Variants in KDM1B observed in about 807,000 individuals in gnomAD.
The protein encoded by KDM1B is lysine-specific histone demethylase 2.
A neutral mutation model predicts 107.4 loss-of-function variants in KDM1B; 63 were observed. The ratio of observed to expected loss-of-function variants is 0.59; its 90% CI spans 0.48 to 0.72. The LOEUF is 0.72. KDM1B is among the 30% of genes least tolerant of loss of function. The pLI, the probability that KDM1B is intolerant of heterozygous loss-of-function variation, is 0.00. For missense variants in KDM1B, 749 were observed against 1,020.8 expected (o/e 0.73, Z 3.63); for synonymous variants, 363 against 363.9 (o/e 1.00, Z 0.03).
intron 6 of KDM1B, among the ~76,000 whole-genome samples, chr6:18,168,145 C>T (rs1785440076): frequency 6.6e-6 from 1 of 152,152 alleles, no homozygotes; most frequent in African/African-American, 2.4e-5. Context: ...ATTCGTATAA[C>T]ATAAAATTAA....
rs1785747908 is a variant in KDM1B at position 18,172,903 on chromosome 6, A to G, written c.534+1424A>G. 6.6e-6 allele frequency among the ~76,000 whole-genome samples: 1 copy of G among 152,060 alleles called. No homozygotes were observed. The highest frequency in any genetic ancestry group is 1.5e-5 in the Non-Finnish European group (1 of 68,030). ...TCAGGAGTTCAAGACCAGCCTGGCC[A>G]ACATGTTGAAACCCTGTCTCTAGTA... On this transcript the variant is annotated intron_variant, in intron 7 of 21. Transcript: ENST00000650836. This position sits in a 1 kb window ranked among gnomAD's most constrained non-coding sequence, Gnocchi z 5.2.
chr6:18,207,964 A>G (rs1788502160), intron 16 of KDM1B, among the ~76,000 whole-genome samples, 168 bp from the exon 17 acceptor site: 1 of 152,208 alleles, frequency 6.6e-6, no homozygotes, highest in Non-Finnish European at 1.5e-5. Flanking sequence ...ACAGAGTATA[A>G]ATTCTAACTC....
rs762849198 is a variant in KDM1B, at chr6:18,198,637, C to CAAA, written c.1221+994_1221+996dup. ...TGGGTGACAGAGCGAGACTCCATCT[C>CAAA]AAAAAAAAAAAAAAAAAAAACAAAA... On this transcript the variant is annotated intron_variant, in intron 12 of 21. Transcript: ENST00000650836. Among the ~76,000 whole-genome samples, 421 of 68,768 alleles carry CAAA rather than the reference C, an allele frequency of 6.1e-3. 13 individuals carry two copies. The highest frequency in any genetic ancestry group is 0.02 in the Middle Eastern group (2 of 98). 45.1% of individuals were successfully genotyped at this position (68,768 alleles called of 152,430 possible).
At chr6:18,176,096 G>A (rs948584656) in intron 7 of KDM1B, among the ~76,000 whole-genome samples, 3 of 152,042 alleles carry the variant, frequency 2.0e-5, no homozygotes, top group Non-Finnish European at 2.9e-5. Flanking sequence ...CCATCCGTGA[G>A]CATCCATTTG....
chr6:18,173,201 G>C (rs1370723230), intron 7 of KDM1B, among the ~76,000 whole-genome samples: 2 of 151,998 alleles, frequency 1.3e-5, no homozygotes, highest in African/African-American at 4.8e-5. Flanking sequence ...ACATTTTGTA[G>C]TGTTATTCTT....
Position 18,223,129 on chromosome 6 carries a change from C to T in KDM1B, c.*1137C>T, listed in dbSNP as rs1205465648. 2 of 152,406 alleles carry T rather than the reference C, an allele frequency of 1.3e-5. No homozygotes were observed. Among genetic ancestry groups the T allele is most frequent in the Non-Finnish European group, 2.9e-5 (2 of 67,996 alleles). 9.4% of individuals were successfully genotyped at this position (152,406 alleles called of 1,614,324 possible). Reference sequence around the variant, plus strand: ...TCAGGATGCCTATTTTGCCAAGAAACTTCAGTATACAGGTTAGAAATATGC... The same window carrying T: ...TCAGGATGCCTATTTTGCCAAGAAATTTCAGTATACAGGTTAGAAATATGC... On this transcript the variant is annotated 3_prime_UTR_variant, in exon 22 of 22. Coordinates refer to ENST00000650836, the MANE Select transcript of KDM1B (RefSeq NM_001364614.2).
chr6:18,200,374 T>C lies in KDM1B; in HGVS notation c.1222-65T>C, dbSNP rs1787955096. The C allele has an allele frequency of 6.8e-7, 1 of 1,472,506 alleles. No homozygotes were observed. The highest frequency in any genetic ancestry group is 1.3e-5 in the South Asian group (1 of 77,528). The allele number at this position is 1,472,506 out of a possible 1,614,324, so 91.2% of individuals were successfully genotyped here. A position where few individuals can be genotyped will look rare whatever the true frequency, so the allele number is the denominator to read the frequency against. ...ATTTAACAGTGTCCTTCTACATTTT[T>C]ATAATACTGTGTCTGATATAACTCT... On this transcript the variant is annotated intron_variant, in intron 12 of 21. Transcript: ENST00000650836. The surrounding 1 kb of genome is among the most constrained non-coding windows in gnomAD (Gnocchi z 4.3).
At chr6:18,218,185 G>A (rs1269997886) in intron 21 of KDM1B, among the ~76,000 whole-genome samples, 1 of 152,030 alleles carries the variant, frequency 6.6e-6, no homozygotes, top group Non-Finnish European at 1.5e-5. Flanking sequence ...CAGTGGTACA[G>A]TCCTAGCTCA....
intron 9 of KDM1B, among the ~76,000 whole-genome samples, chr6:18,188,270 G>A (rs1226776495): frequency 2.0e-5 from 3 of 152,138 alleles, no homozygotes; most frequent in African/African-American, 7.2e-5. Context: ...TGCGACCTAT[G>A]ATATAAAGCC....
chr6:18,198,183 A>G (rs1465327791), intron 12 of KDM1B, among the ~76,000 whole-genome samples: 1 of 151,998 alleles, frequency 6.6e-6, no homozygotes, highest in Non-Finnish European at 1.5e-5. Flanking sequence ...GATGTGAGCC[A>G]CTGCACCTGG....
rs751389702 is a variant in KDM1B, at chr6:18,214,564, G to A, written c.2110-443G>A. 1.1e-4 allele frequency among the ~76,000 whole-genome samples: 16 copies of A among 152,150 alleles called. No individual in the cohort carries two copies. Among genetic ancestry groups the A allele is most frequent in the Non-Finnish European group, 2.1e-4 (14 of 68,036 alleles). ...GTGTTTGCGAGGAAAATGGACTGGCGAGTGACGTGCGGATAAGGGACAGCC... is the reference window on the plus strand; with the variant it reads ...GTGTTTGCGAGGAAAATGGACTGGCAAGTGACGTGCGGATAAGGGACAGCC... On this transcript the variant is annotated intron_variant, in intron 19 of 21. Coordinates refer to ENST00000650836, the MANE Select transcript of KDM1B (RefSeq NM_001364614.2). This position sits in a 1 kb window ranked among gnomAD's most constrained non-coding sequence, Gnocchi z 4.4.
In KDM1B at chr6:18,197,420, G is replaced by A. The variant is rs1787720881; in HGVS notation, c.1147-167G>A. On this transcript the variant is annotated intron_variant, in intron 11 of 21. Coordinates refer to ENST00000650836, the MANE Select transcript of KDM1B (RefSeq NM_001364614.2). This position sits in a 1 kb window ranked among gnomAD's most constrained non-coding sequence, Gnocchi z 4.5. ...TCTTTCCCCAGATTGTAGGGAAAAA[G>A]GGAAGGGAGTAATAAGACAAGTGCC... Among the ~76,000 whole-genome samples, 1 of 152,236 alleles carries A rather than the reference G, an allele frequency of 6.6e-6. No homozygotes were observed. Among genetic ancestry groups the A allele is most frequent in the South Asian group, 2.1e-4 (1 of 4,830 alleles).
chr6:18,191,495 T>G lies in KDM1B; in HGVS notation c.969+114T>G. ...TATGCCAGGGTTTCTCAGCCGTGCCTCTGTTGACAATTTGGGCAGATAATT... is the reference window on the plus strand; with the variant it reads ...TATGCCAGGGTTTCTCAGCCGTGCCGCTGTTGACAATTTGGGCAGATAATT... On this transcript the variant is annotated intron_variant, in intron 10 of 21. Coordinates refer to ENST00000650836, the MANE Select transcript of KDM1B (RefSeq NM_001364614.2). The surrounding 1 kb of genome is among the most constrained non-coding windows in gnomAD (Gnocchi z 5.1). 8.5e-7 allele frequency: 1 copy of G among 1,171,120 alleles called. No homozygotes were observed. Among genetic ancestry groups the G allele is most frequent in the African/African-American group, 1.6e-5 (1 of 64,440 alleles). 72.5% of individuals were successfully genotyped at this position (1,171,120 alleles called of 1,614,324 possible).
At position 18,159,141 on chromosome 6, in the gene KDM1B, T is replaced by A. The variant is rs1399481113; in HGVS notation, c.-13-742T>A. ...CGCCTCCATGCCTGGCTAATTTTTG[T>A]ATTTTTAGTACAGACGGGGTTTCAC... On this transcript the variant is annotated intron_variant, in intron 2 of 21. Transcript: ENST00000650836. This position sits in a 1 kb window ranked among gnomAD's most constrained non-coding sequence, Gnocchi z 4.5. 6.6e-6 allele frequency among the ~76,000 whole-genome samples: 1 copy of A among 152,148 alleles called. No homozygotes were observed. Among genetic ancestry groups the A allele is most frequent in the Non-Finnish European group, 1.5e-5 (1 of 68,012 alleles).
chr6:18,197,289 C>G lies in KDM1B; in HGVS notation c.1146+56C>G, dbSNP rs1259192579. On this transcript the variant is annotated intron_variant, in intron 11 of 21. Coordinates refer to ENST00000650836, the MANE Select transcript of KDM1B (RefSeq NM_001364614.2). This position sits in a 1 kb window ranked among gnomAD's most constrained non-coding sequence, Gnocchi z 4.5. ...GCCATTGATCAGGACAAACGCTAGT[C>G]TGTTGCTGTTAATAAATATAGTAAA... 1 of 1,455,448 alleles carries G rather than the reference C, an allele frequency of 6.9e-7. No individual in the cohort carries two copies. The highest frequency in any genetic ancestry group is 9.4e-7 in the Non-Finnish European group (1 of 1,060,768). 90.2% of individuals were successfully genotyped at this position (1,455,448 alleles called of 1,614,324 possible). A position where few individuals can be genotyped will look rare whatever the true frequency, so the allele number is the denominator to read the frequency against.
At chr6:18,179,991 G>A (rs1582122613) in intron 7 of KDM1B, among the ~76,000 whole-genome samples, 2 of 149,026 alleles carry the variant, frequency 1.3e-5, no homozygotes, top group East Asian at 4.0e-4. Context: ...AGTCTCCTGA[G>A]TAGCTGGGAC....
chr6:18,179,894 C>T (rs12206948), intron 7 of KDM1B, among the ~76,000 whole-genome samples: 44 of 118,304 alleles, frequency 3.7e-4, no homozygotes, highest in Admixed American at 8.4e-4. Flanking sequence ...GGCAGGGTCT[C>T]ACTCTGTCTC....
In KDM1B at chr6:18,197,755, G is replaced by A; in HGVS notation, c.1221+94G>A. The A allele has an allele frequency of 1.3e-6, 1 of 780,938 alleles. No homozygotes were observed. The highest frequency in any genetic ancestry group is 2.1e-6 in the Non-Finnish European group (1 of 469,716). 48.4% of individuals were successfully genotyped at this position (780,938 alleles called of 1,614,324 possible). On this transcript the variant is annotated intron_variant, in intron 12 of 21. Coordinates refer to ENST00000650836, the MANE Select transcript of KDM1B (RefSeq NM_001364614.2). The surrounding 1 kb of genome is among the most constrained non-coding windows in gnomAD (Gnocchi z 4.5). ...TTAGAAACCAGTTCCTATTTTTAGT[G>A]AAGAATACTAAATACATTATATGTT...
chr6:18,165,527 A>T (rs11315435), intron 5 of KDM1B, among the ~76,000 whole-genome samples: 49,906 of 152,090 alleles, frequency 0.33, 8,354 homozygotes, highest in East Asian at 0.47. Context: ...TACATACATT[A>T]AAAAAATATT....
Sources: gnomAD v4.1 joint callset for allele counts (sites outside exome capture counted in the v4.1 genomes callset) on GRCh38, gnomAD v4.1.1 for gene constraint, Gnocchi (gnomAD v3.1) non-coding constraint, MANE v1.5 for transcripts, NCBI Gene and HGNC (gene_info 2026-07-23, HGNC 2026-07-21) for gene names.